The following MPP7 variants were observed in gnomAD, a reference collection of about 807,000 sequenced individuals.
MPP7 encodes MAGUK p55 subfamily member 7.
In MPP7, 60 loss-of-function variants were observed where a neutral mutation model predicts 76.5. The ratio of observed to expected loss-of-function variants is 0.78; its 90% CI spans 0.64 to 0.97. MPP7 has a LOEUF of 0.97. MPP7 is among the 50% of genes least tolerant of loss of function. The pLI, the probability that MPP7 is intolerant of heterozygous loss-of-function variation, is 0.00. For synonymous variants in MPP7, 237 were observed against 244.5 expected (o/e 0.97, Z 0.29); for missense variants, 641 against 694.0 (o/e 0.92, Z 0.86).
intron 2 of MPP7, among the ~76,000 whole-genome samples, chr10:28,228,026 T>C (rs985835680): frequency 6.6e-6 from 1 of 152,194 alleles, no homozygotes; most frequent in African/African-American, 2.4e-5. Context: ...ACTGAACTAC[T>C]TGCCCAACAA....
At chr10:28,328,494 G>A (rs999249191) in intron 2 of MPP7, among the ~76,000 whole-genome samples, 5 of 151,324 alleles carry the variant, frequency 3.3e-5, no homozygotes, top group Non-Finnish European at 7.4e-5. Flanking sequence ...CTCTCCAGGT[G>A]TCAAGAGCTT....
chr10:28,325,975 CA>C (rs71281552), intron 2 of MPP7, among the ~76,000 whole-genome samples: 36,099 of 96,246 alleles, frequency 0.38, 4,669 homozygotes, highest in Middle Eastern at 0.48. Context: ...GACCTCATCT[CA>C]AAAAAAAAAA....
chr10:28,291,955 C>A (rs1305208709), intron 1 of MPP7, among the ~76,000 whole-genome samples: 1 of 152,200 alleles, frequency 6.6e-6, no homozygotes, highest in African/African-American at 2.4e-5. Flanking sequence ...CCTTCACATT[C>A]ACTCACCACC....
At chr10:28,219,279 T>C (rs1019192477) in intron 2 of MPP7, among the ~76,000 whole-genome samples, 1 of 152,172 alleles carries the variant, frequency 6.6e-6, no homozygotes, top group Non-Finnish European at 1.5e-5. Context: ...AGGAAAGACA[T>C]TTTTCCAATT....
At chr10:28,318,554 G>C (rs140999616) in intron 2 of MPP7, among the ~76,000 whole-genome samples, 1 of 152,098 alleles carries the variant, frequency 6.6e-6, no homozygotes, top group Non-Finnish European at 1.5e-5. Context: ...ACATGGTTTC[G>C]TGTGCCTGTC....
At position 28,053,960 on chromosome 10, in the gene MPP7, G is replaced by T; in HGVS notation, c.*105C>A. On this transcript the variant is annotated 3_prime_UTR_variant, in exon 17 of 17. Transcript: ENST00000683449. The stretch of plus-strand genomic sequence containing the variant: ...CCAGCATTCAACTTGAACCAAGATT[G>T]TACATCTATGACAGTGATATAGATT... The T allele has an allele frequency of 1.2e-6, 1 of 839,522 alleles. No homozygotes were observed. Among genetic ancestry groups the T allele is most frequent in the East Asian group, 2.4e-5 (1 of 40,950 alleles). 52.0% of individuals were successfully genotyped at this position (839,522 alleles called of 1,614,324 possible).
At chr10:28,177,920 A>G (rs1836930756) in intron 3 of MPP7, among the ~76,000 whole-genome samples, 1 of 152,096 alleles carries the variant, frequency 6.6e-6, no homozygotes, top group Admixed American at 6.6e-5. Context: ...CAGAATGTCA[A>G]GCAGCCAGCC....
intron 2 of MPP7, among the ~76,000 whole-genome samples, chr10:28,315,156 CAGAA>C (rs1287034399): frequency 7.9e-6 from 1 of 126,986 alleles, no homozygotes; most frequent in Non-Finnish European, 1.6e-5. Flanking sequence ...GAAAGAAAGA[CAGAA>C]AGAGAGAGAG....
chr10:28,199,026 A>C (rs1317954921), intron 3 of MPP7, among the ~76,000 whole-genome samples: 2 of 152,206 alleles, frequency 1.3e-5, no homozygotes, highest in African/African-American at 4.8e-5. Flanking sequence ...CGGCTGGGGA[A>C]GCATCACACT....
chr10:28,193,215 G>GTTTT, intron 3 of MPP7, among the ~76,000 whole-genome samples: 1 of 136,712 alleles, frequency 7.3e-6, no homozygotes, highest in Non-Finnish European at 1.6e-5. Context: ...TTGGTTTTTT[G>GTTTT]TTTTTTTTTT....
At chr10:28,326,320 C>T (rs1834414987) in intron 2 of MPP7, among the ~76,000 whole-genome samples, 1 of 152,176 alleles carries the variant, frequency 6.6e-6, no homozygotes, top group Non-Finnish European at 1.5e-5. Flanking sequence ...GTTCATCTTG[C>T]AGAGAAGGGC....
At position 28,089,783 on chromosome 10, in the gene MPP7, C is replaced by G; in HGVS notation, c.1011G>C (p.Met337Ile). The G allele has an allele frequency of 6.2e-7, 1 of 1,602,796 alleles. No individual in the cohort carries two copies. Among genetic ancestry groups the G allele is most frequent in the Non-Finnish European group, 8.5e-7 (1 of 1,170,530 alleles). ...SRKDKKTNKS[M>I]YECKKSDQYD... ...ACTGATCACTCTTCTTGCATTCATA[C>G]ATGGATTTATTTGTTTTCTTATCTT... Residue 337 changes from methionine to isoleucine, a missense_variant, in exon 12 of 17, where the codon ATG (methionine) becomes ATC (isoleucine). Transcript: ENST00000683449.
intron 1 of MPP7, among the ~76,000 whole-genome samples, chr10:28,264,584 T>A (rs1355280333): frequency 9.9e-5 from 15 of 151,696 alleles, no homozygotes; most frequent in Admixed American, 9.9e-4. Context: ...TTTTTTTTTT[T>A]TTTTAAATAA....
At chr10:28,240,837 T>C (rs1008561376) in intron 1 of MPP7, among the ~76,000 whole-genome samples, 1 of 152,142 alleles carries the variant, frequency 6.6e-6, no homozygotes, top group African/African-American at 2.4e-5. Flanking sequence ...AGTAGACTTT[T>C]GTTTTGCTAA....
chr10:28,267,168 T>C (rs571655045), intron 1 of MPP7, among the ~76,000 whole-genome samples: 3 of 152,346 alleles, frequency 2.0e-5, no homozygotes, highest in African/African-American at 7.2e-5. Flanking sequence ...GCTGCTTTTA[T>C]GTTACAATGG....
At chr10:28,297,257 A>T (rs1841055618) in intron 1 of MPP7, among the ~76,000 whole-genome samples, 2 of 152,178 alleles carry the variant, frequency 1.3e-5, no homozygotes, top group Admixed American at 6.5e-5. Context: ...ATGCTTTATA[A>T]TTTTTTTAAA....
chr10:28,315,693 A>G (rs966574627), intron 2 of MPP7, among the ~76,000 whole-genome samples: 8 of 152,182 alleles, frequency 5.3e-5, no homozygotes, highest in Non-Finnish European at 1.0e-4. Context: ...TAAATCATTT[A>G]TGTAAATACT....
intron 5 of MPP7, among the ~76,000 whole-genome samples, chr10:28,138,996 G>C (rs9702897): frequency 0.016 from 2,512 of 152,252 alleles, 64 homozygotes; most frequent in African/African-American, 0.057. Flanking sequence ...GTTACTGCCT[G>C]AGACCCTCAT....
chr10:28,248,394 G>C (rs536352037), intron 1 of MPP7, among the ~76,000 whole-genome samples: 1 of 152,234 alleles, frequency 6.6e-6, no homozygotes, highest in South Asian at 2.1e-4. Flanking sequence ...AACGGAAAAT[G>C]ATGTAAACGC....
Sources: gnomAD v4.1 joint callset for allele counts (sites outside exome capture counted in the v4.1 genomes callset) on GRCh38, gnomAD v4.1.1 for gene constraint, MANE v1.5 for transcripts, NCBI Gene and HGNC (gene_info 2026-07-23, HGNC 2026-07-21) for gene names.